FBXO32: variants seen among roughly 807,000 people sequenced by gnomAD.
The protein encoded by FBXO32 is F-box protein 32.
FBXO32 carries 15 observed loss-of-function variants against 48.3 expected under a neutral mutation model. The observed-to-expected ratio is 0.31, with a 90% CI of 0.21 to 0.48. FBXO32 has a LOEUF of 0.48. FBXO32 is among the 20% of genes least tolerant of loss of function. The pLI, the probability that FBXO32 is intolerant of heterozygous loss-of-function variation, is 0.99. For synonymous variants in FBXO32, 154 were observed against 165.9 expected (o/e 0.93, Z 0.55); for missense variants, 309 against 432.7 (o/e 0.71, Z 2.54).
chr8:123,509,471 G>A (rs567791793), intron 6 of FBXO32, among the ~76,000 whole-genome samples: 12 of 152,116 alleles, frequency 7.9e-5, no homozygotes, highest in South Asian at 2.1e-4. Context: ...AGGCTGAAGC[G>A]GGAGGATTGC....
rs531053213 is a variant in FBXO32 at position 123,498,388 on chromosome 8, T to C, written c.*4985A>G. 61 of 152,348 alleles carry C rather than the reference T, an allele frequency of 4.0e-4. No homozygotes were observed. Among genetic ancestry groups the C allele is most frequent in the African/African-American group, 1.3e-3 (56 of 41,580 alleles). The allele number at this position is 152,348 out of a possible 1,614,324, so 9.4% of individuals were successfully genotyped here. A position where few individuals can be genotyped will look rare whatever the true frequency, so the allele number is the denominator to read the frequency against. On this transcript the variant is annotated 3_prime_UTR_variant, in exon 9 of 9. Transcript: ENST00000517956. ...GTTCAGAGTTTTGGAGCAGCCATCA[T>C]TTTTGGCCAAATGGAGCAGGGCCTA...
chr8:123,535,768 C>T (rs887205927), intron 1 of FBXO32, among the ~76,000 whole-genome samples: 17 of 151,654 alleles, frequency 1.1e-4, no homozygotes, highest in Non-Finnish European at 2.2e-4. Flanking sequence ...ACTCCCTCAA[C>T]CCCCACAAAG....
chr8:123,499,962 A>T lies in FBXO32; in HGVS notation c.*3411T>A, dbSNP rs1260150227. 1 of 152,218 alleles carries T rather than the reference A, an allele frequency of 6.6e-6. No homozygotes were observed. The highest frequency in any genetic ancestry group is 1.5e-5 in the Non-Finnish European group (1 of 68,042). The allele number at this position is 152,218 out of a possible 1,614,324, so 9.4% of individuals were successfully genotyped here. ...CCCTCTGAAATACGTCTTCCAAGCC[A>T]CTTCAATGTAAACCTGATCATCATT... On this transcript the variant is annotated 3_prime_UTR_variant, in exon 9 of 9. Coordinates refer to ENST00000517956, the MANE Select transcript of FBXO32 (RefSeq NM_058229.4).
At chr8:123,532,633 C>G (rs1817232256) in intron 3 of FBXO32, among the ~76,000 whole-genome samples, 1 of 152,026 alleles carries the variant, frequency 6.6e-6, no homozygotes, top group Non-Finnish European at 1.5e-5. Flanking sequence ...CACTGAGGTC[C>G]CTGACGGTCA....
Position 123,503,265 on chromosome 8 carries a change from G to T in FBXO32, c.*108C>A, listed in dbSNP as rs1175037583. On this transcript the variant is annotated 3_prime_UTR_variant, in exon 9 of 9. Transcript: ENST00000517956. ...CCATGACTTATCTCTGAAGTTTCGA[G>T]CCAATGTTTAAAATGTACACTATTT... is the stretch of plus-strand genomic sequence containing the variant. 1.2e-6 allele frequency: 1 copy of T among 856,112 alleles called. No individual in the cohort carries two copies. Among genetic ancestry groups the T allele is most frequent in the African/African-American group, 1.7e-5 (1 of 59,216 alleles). The allele number at this position is 856,112 out of a possible 1,614,324, so 53.0% of individuals were successfully genotyped here.
Position 123,514,271 on chromosome 8 carries a change from G to C in FBXO32, c.435C>G (p.Phe145Leu), listed in dbSNP as rs1816793858. The C allele has an allele frequency of 4.3e-6, 7 of 1,612,920 alleles. No individual in the cohort carries two copies. Among genetic ancestry groups the C allele is most frequent in the Non-Finnish European group, 5.1e-6 (6 of 1,179,582 alleles). Reference sequence around the variant, plus strand: ...GTACCACTTTTTCCAAAATATTCATGAAGTTCTTTTGGGCGATGCCACTCA... The same window carrying C: ...GTACCACTTTTTCCAAAATATTCATCAAGTTCTTTTGGGCGATGCCACTCA... Reference protein sequence around the residue: ...TSLSGIAQKNFMNILEKVVLK... With the variant: ...TSLSGIAQKNLMNILEKVVLK... The change falls in exon 5 of 9, where the codon TTC (phenylalanine) becomes TTG (leucine). Residue 145 changes from phenylalanine to leucine, a missense_variant. By Grantham distance (22) the Phe-to-Leu change is conservative. Coordinates refer to ENST00000517956, the MANE Select transcript of FBXO32 (RefSeq NM_058229.4).
chr8:123,527,844 T>G (rs553211613), intron 4 of FBXO32, among the ~76,000 whole-genome samples: 3 of 152,214 alleles, frequency 2.0e-5, no homozygotes, highest in Non-Finnish European at 2.9e-5. Context: ...AATGATTGAT[T>G]TGCAGAAAGT....
intron 1 of FBXO32, among the ~76,000 whole-genome samples, chr8:123,535,364 C>T (rs72709034): frequency 0.15 from 22,630 of 152,118 alleles, 1,905 homozygotes; most frequent in South Asian, 0.23. Context: ...AACACAATCA[C>T]GTTTACAAAA....
Position 123,503,296 on chromosome 8 carries a change from T to C in FBXO32, c.*77A>G. On this transcript the variant is annotated 3_prime_UTR_variant, in exon 9 of 9. Transcript: ENST00000517956. Reference sequence around the variant, plus strand: ...GTTTAAAATGTACACTATTTACAAATGAAGTGTCCAAATGCCATATTCCCA... The same window carrying C: ...GTTTAAAATGTACACTATTTACAAACGAAGTGTCCAAATGCCATATTCCCA... 1 of 1,176,470 alleles carries C rather than the reference T, an allele frequency of 8.5e-7. No homozygotes were observed. 72.9% of individuals were successfully genotyped at this position (1,176,470 alleles called of 1,614,324 possible).
Position 123,513,074 on chromosome 8 carries a change from A to C in FBXO32, c.651+124T>G. 1 of 1,093,580 alleles carries C rather than the reference A, an allele frequency of 9.1e-7. No individual in the cohort carries two copies. The highest frequency in any genetic ancestry group is 1.3e-6 in the Non-Finnish European group (1 of 764,498). 67.7% of individuals were successfully genotyped at this position (1,093,580 alleles called of 1,614,324 possible). A position where few individuals can be genotyped will look rare whatever the true frequency, so the allele number is the denominator to read the frequency against. ...CCAGCCCACCCTCAGCACCAGAACA[A>C]AGCAGCAGATCAGAAAAGACCAGAC... is the stretch of plus-strand genomic sequence containing the variant. On this transcript the variant is annotated intron_variant, in intron 6 of 8. Coordinates refer to ENST00000517956, the MANE Select transcript of FBXO32 (RefSeq NM_058229.4). This position sits in a 1 kb window ranked among gnomAD's most constrained non-coding sequence, Gnocchi z 4.3.
chr8:123,538,593 T>C (rs1469819533), intron 1 of FBXO32, among the ~76,000 whole-genome samples: 2 of 152,172 alleles, frequency 1.3e-5, no homozygotes, highest in East Asian at 3.9e-4. Flanking sequence ...TTTTAAGAAG[T>C]TGCAGGCTTC....
intron 4 of FBXO32, among the ~76,000 whole-genome samples, chr8:123,517,456 T>C (rs965087576): frequency 2.6e-4 from 38 of 148,126 alleles, no homozygotes; most frequent in Middle Eastern, 3.6e-3. Flanking sequence ...TCATCCTATC[T>C]CAAGGGAAAG....
At chr8:123,537,968 G>C (rs1287296768) in intron 1 of FBXO32, among the ~76,000 whole-genome samples, 1 of 152,086 alleles carries the variant, frequency 6.6e-6, no homozygotes, top group Non-Finnish European at 1.5e-5. Context: ...GCGGGTGCCT[G>C]AACCACCACT....
At chr8:123,514,723 T>C (rs546649439) in intron 4 of FBXO32, among the ~76,000 whole-genome samples, 2 of 152,346 alleles carry the variant, frequency 1.3e-5, no homozygotes, top group South Asian at 4.1e-4. Flanking sequence ...CTTGAACTTC[T>C]TCCTTATTGG....
rs865964615 is a variant in FBXO32 at position 123,511,480 on chromosome 8, G to T, written c.651+1718C>A. 7.1e-4 allele frequency among the ~76,000 whole-genome samples: 100 copies of T among 139,958 alleles called. No individual in the cohort carries two copies. The Middle Eastern group carries it at 0.011, about 16-fold the overall frequency. The allele number at this position is 139,958 out of a possible 152,430, so 91.8% of individuals were successfully genotyped here. A position where few individuals can be genotyped will look rare whatever the true frequency, so the allele number is the denominator to read the frequency against. On this transcript the variant is annotated intron_variant, in intron 6 of 8. Transcript: ENST00000517956. ...AAATGTGACCATCTAGAGGTTTTTT[G>T]TTTTTTTTTTTTTTCCTTGAGATGG...
rs1235391916 is a variant in FBXO32, at chr8:123,501,579, G to A, written c.*1794C>T. On this transcript the variant is annotated 3_prime_UTR_variant, in exon 9 of 9. Transcript: ENST00000517956. Reference sequence around the variant, plus strand: ...TGGCGTAGCACAAACATTGCAAAGTGAGGAGCACTAAACAGTAGGTTCCTT... The same window carrying A: ...TGGCGTAGCACAAACATTGCAAAGTAAGGAGCACTAAACAGTAGGTTCCTT... 3 of 152,188 alleles carry A rather than the reference G, an allele frequency of 2.0e-5. No individual in the cohort carries two copies. Among genetic ancestry groups the A allele is most frequent in the Non-Finnish European group, 4.4e-5 (3 of 68,032 alleles). 9.4% of individuals were successfully genotyped at this position (152,188 alleles called of 1,614,324 possible).
In FBXO32 at chr8:123,523,264, C is replaced by T. The variant is rs1816999012; in HGVS notation, c.372+8634G>A. On this transcript the variant is annotated intron_variant, in intron 4 of 8. Transcript: ENST00000517956. Reference sequence around the variant, plus strand: ...GGCACATCCTAAGTTATGATAAGCCCCCAACAGAGCCTAGATGCTTAGGTA... The same window carrying T: ...GGCACATCCTAAGTTATGATAAGCCTCCAACAGAGCCTAGATGCTTAGGTA... 4.6e-5 allele frequency among the ~76,000 whole-genome samples: 7 copies of T among 152,214 alleles called. No homozygotes were observed. In the South Asian group the frequency reaches 1.5e-3, roughly 32 times the overall value.
chr8:123,522,914 C>G (rs1816986778), intron 4 of FBXO32, among the ~76,000 whole-genome samples: 1 of 152,166 alleles, frequency 6.6e-6, no homozygotes, highest in South Asian at 2.1e-4. Context: ...CCCAGAAGTA[C>G]CTGACAAGCA....
At chr8:123,503,591 GT>G in intron 8 of FBXO32, 129 bp from the exon 9 acceptor site, 1 of 648,458 alleles carries the variant, frequency 1.5e-6, no homozygotes, top group Non-Finnish European at 2.7e-6. Flanking sequence ...AATGTTGCAT[GT>G]TCTCACTCGT....
Sources: gnomAD v4.1 joint callset for allele counts (sites outside exome capture counted in the v4.1 genomes callset) on GRCh38, gnomAD v4.1.1 for gene constraint, Gnocchi (gnomAD v3.1) non-coding constraint, MANE v1.5 for transcripts, NCBI Gene and HGNC (gene_info 2026-07-23, HGNC 2026-07-21) for gene names.